Variants in CNTNAP2 observed in about 807,000 individuals in gnomAD.
CNTNAP2 encodes the protein contactin associated protein 2.
CNTNAP2 carries 98 observed loss-of-function variants against 155.2 expected under a neutral mutation model. The observed-to-expected ratio is 0.63, with a 90% confidence interval of 0.54 to 0.75. CNTNAP2 has a LOEUF of 0.75. Among genes scored for constraint, CNTNAP2 ranks in the 30% least tolerant of loss-of-function variants. The probability of loss-of-function intolerance (pLI) is 0.00; values close to 1 mark genes in which losing one functional copy is unlikely to be tolerated. For synonymous variants in CNTNAP2, 651 were observed against 631.2 expected, an observed-to-expected ratio of 1.03 and a Z score of -0.47; for missense variants, 1,727 against 1,688.1, an observed-to-expected ratio of 1.02 and a Z score of -0.40.
intron 17 of CNTNAP2, among the ~76,000 whole-genome samples, chr7:148,162,841 A>AT (rs202106603): frequency 7.9e-5 from 12 of 151,836 alleles, no homozygotes; most frequent in African/African-American, 2.7e-4. Context: ...ACAAAAAAAA[A>AT]TTTTTTTAAT....
At position 146,896,987 on chromosome 7, in the gene CNTNAP2, T is replaced by G. The variant is rs186344219; in HGVS notation, c.402+57083T>G. ...TAATGTAAGGGCAATATTTTGAAAT[T>G]TCATACAAAACTGAATGATGTCTGA... On this transcript the variant is annotated intron_variant, in intron 3 of 23. Coordinates refer to ENST00000361727, the MANE Select transcript of CNTNAP2 (RefSeq NM_014141.6). Among the ~76,000 whole-genome samples the G allele has an allele frequency of 4.6e-5, 7 of 152,238 alleles. No homozygotes were observed. In the East Asian group the frequency reaches 1.4e-3, roughly 29 times the overall value.
intron 1 of CNTNAP2, among the ~76,000 whole-genome samples, chr7:146,359,865 G>A (rs900846731): frequency 1.3e-5 from 2 of 152,066 alleles, no homozygotes; most frequent in Non-Finnish European, 2.9e-5. Flanking sequence ...AAGTTGTGAT[G>A]ATATCTCAAA....
chr7:147,322,711 CTT>C lies in CNTNAP2; in HGVS notation c.1498+22425_1498+22426del, dbSNP rs566498874. ...CTGTGAATCCATCTGGTCCTGGACT[CTT>C]TTTGGTTGGTAAACTATTGATTATT... On this transcript the variant is annotated intron_variant, in intron 9 of 23. Coordinates refer to ENST00000361727, the MANE Select transcript of CNTNAP2 (RefSeq NM_014141.6). 2.2e-3 allele frequency among the ~76,000 whole-genome samples: 313 copies of C among 143,114 alleles called. 6 individuals are homozygous for C. The highest frequency in any genetic ancestry group is 0.019 in the Admixed American group (267 of 13,990). 93.9% of individuals were successfully genotyped at this position (143,114 alleles called of 152,430 possible).
intron 2 of CNTNAP2, among the ~76,000 whole-genome samples, chr7:146,785,180 G>T (rs1802554882): frequency 6.6e-6 from 1 of 151,814 alleles, no homozygotes; most frequent in South Asian, 2.1e-4. Context: ...TGCCATGTGT[G>T]TCAGGCTGGT....
Position 147,562,153 on chromosome 7 carries a change from C to G in CNTNAP2, c.1793C>G (p.Ser598Cys), listed in dbSNP as rs770256644. 4 of 1,613,868 alleles carry G rather than the reference C, an allele frequency of 2.5e-6. No homozygotes were observed. The African/African-American group carries it at 5.3e-5, about 22-fold the overall frequency. Residue 598 changes from serine (S) to cysteine (C), a missense_variant, in exon 12 of 24, where the codon TCC becomes TGC. Ser to Cys is a moderately radical substitution (Grantham distance 112). Transcript: ENST00000361727. Reference protein sequence around the residue: ...ATCHNSIYEPSCEAYKHLGQT... With the variant: ...ATCHNSIYEPCCEAYKHLGQT... The stretch of plus-strand genomic sequence containing the variant: ...TTTGTTCTAGCTATCTACGAGCCTT[C>G]CTGTGAAGCCTACAAACACCTAGGA...
chr7:147,255,307 C>T (rs1804296646), intron 8 of CNTNAP2, among the ~76,000 whole-genome samples: 1 of 152,078 alleles, frequency 6.6e-6, no homozygotes, highest in Non-Finnish European at 1.5e-5. Flanking sequence ...CTGCAACCTC[C>T]ACCTCCAGGG....
At chr7:147,638,960 G>T (rs753483763) in intron 12 of CNTNAP2, 146 bp from the exon 13 acceptor site, 1 of 819,106 alleles carries the variant, frequency 1.2e-6, no homozygotes, top group Non-Finnish European at 2.2e-6. Context: ...GCAAAGAGCA[G>T]GGGGTTTTAA....
At chr7:146,418,577 G>A (rs2129112939) in intron 1 of CNTNAP2, among the ~76,000 whole-genome samples, 1 of 152,044 alleles carries the variant, frequency 6.6e-6, no homozygotes, top group African/African-American at 2.4e-5. Context: ...TCTTAAATTG[G>A]TACATAATGC....
chr7:147,743,132 G>T, intron 13 of CNTNAP2, among the ~76,000 whole-genome samples: 1 of 152,176 alleles, frequency 6.6e-6, no homozygotes, highest in Non-Finnish European at 1.5e-5. Context: ...AAGCCAATAG[G>T]ATAGTCAGCT....
intron 13 of CNTNAP2, among the ~76,000 whole-genome samples, chr7:147,813,984 A>C (rs551691507): frequency 4.6e-5 from 7 of 152,192 alleles, no homozygotes; most frequent in Non-Finnish European, 1.0e-4. Flanking sequence ...CAAAGTATTC[A>C]GGAACAATAG....
Position 147,684,390 on chromosome 7 carries a change from C to A in CNTNAP2, c.2098+45084C>A, listed in dbSNP as rs897832384. On this transcript the variant is annotated intron_variant, in intron 13 of 23. Transcript: ENST00000361727. ...AAATTATTAAAGCCCCTACAAGGAA[C>A]TTTACACTTTCAAAAAAATAATTAT... 2.4e-4 allele frequency among the ~76,000 whole-genome samples: 37 copies of A among 151,858 alleles called. 1 individual carries two copies. Among genetic ancestry groups the A allele is most frequent in the Non-Finnish European group, 4.6e-4 (31 of 67,812 alleles).
intron 13 of CNTNAP2, among the ~76,000 whole-genome samples, chr7:147,895,389 T>A (rs898169977): frequency 4.6e-5 from 7 of 152,184 alleles, no homozygotes; most frequent in Non-Finnish European, 7.3e-5. Context: ...TAATAAAACT[T>A]GATCTGAAGT....
chr7:148,401,590 T>A (rs1487178194), intron 22 of CNTNAP2, among the ~76,000 whole-genome samples: 1 of 149,758 alleles, frequency 6.7e-6, no homozygotes, highest in Admixed American at 6.7e-5. Flanking sequence ...AATAATGAGC[T>A]ATTTTTTTCT....
intron 1 of CNTNAP2, among the ~76,000 whole-genome samples, chr7:146,224,626 G>C (rs113056441): frequency 2.0e-5 from 3 of 151,890 alleles, no homozygotes; most frequent in African/African-American, 2.4e-5. Context: ...AAAAGTAGCC[G>C]GGCTTGGTGG....
intron 1 of CNTNAP2, among the ~76,000 whole-genome samples, chr7:146,152,570 C>A (rs1040925747): frequency 6.6e-6 from 1 of 152,056 alleles, no homozygotes; most frequent in Non-Finnish European, 1.5e-5. Context: ...TGTTACCCAG[C>A]TGGATGTAGT....
At chr7:146,586,767 GT>G (rs1181653877) in intron 1 of CNTNAP2, among the ~76,000 whole-genome samples, 2 of 152,180 alleles carry the variant, frequency 1.3e-5, no homozygotes, top group African/African-American at 2.4e-5. Context: ...ATGAGGAAGG[GT>G]TTTTCCTCTG....
intron 4 of CNTNAP2, among the ~76,000 whole-genome samples, chr7:147,078,875 G>T (rs759770000): frequency 1.3e-5 from 2 of 151,662 alleles, no homozygotes; most frequent in Non-Finnish European, 2.9e-5. Context: ...TCAGTCTCCC[G>T]AGTAGCTGGG....
rs201098916 is a variant in CNTNAP2, at chr7:148,366,030, G to A, written c.3476-17619G>A. Among the ~76,000 whole-genome samples, 2 of 854 alleles carry A rather than the reference G, an allele frequency of 2.3e-3. 1 individual carries two copies. Among genetic ancestry groups the A allele is most frequent in the East Asian group, 1 (2 of 2 alleles). The allele number at this position is 854 out of a possible 152,430, so 0.6% of individuals were successfully genotyped here. A position where few individuals can be genotyped will look rare whatever the true frequency, so the allele number is the denominator to read the frequency against. ...CATGTGTGTATGCATGTATGCATGT[G>A]TGTGTATGCATGTATGCATGTGTGT... On this transcript the variant is annotated intron_variant, in intron 21 of 23. Coordinates refer to ENST00000361727, the MANE Select transcript of CNTNAP2 (RefSeq NM_014141.6).
chr7:147,877,711 C>T (rs1799446221), intron 13 of CNTNAP2, among the ~76,000 whole-genome samples: 1 of 151,822 alleles, frequency 6.6e-6, no homozygotes, highest in Non-Finnish European at 1.5e-5. Context: ...GAGATACTAG[C>T]TGGGTTGTGT....
Sources: gnomAD v4.1 joint callset for allele counts (sites outside exome capture counted in the v4.1 genomes callset) on GRCh38, gnomAD v4.1.1 for gene constraint, MANE v1.5 for transcripts, NCBI Gene and HGNC (gene_info 2026-07-23, HGNC 2026-07-21) for gene names.